Variants in PTPRD observed in about 807,000 individuals in gnomAD.
PTPRD encodes protein tyrosine phosphatase receptor type D.
PTPRD carries 34 observed loss-of-function variants against 214.5 expected under a neutral mutation model. The ratio of observed to expected loss-of-function variants is 0.16; its 90% CI spans 0.12 to 0.21. The LOEUF is 0.21. Among genes scored for constraint, PTPRD ranks in the 10% least tolerant of loss-of-function variants. The probability of loss-of-function intolerance (pLI) is 1.00; values close to 1 mark genes in which losing one functional copy is unlikely to be tolerated. For missense variants in PTPRD, 2,545 were observed against 2,398.7 expected (o/e 1.06, Z -1.27); for synonymous variants, 1,128 against 845.7 (o/e 1.33, Z -5.79).
intron 10 of PTPRD, among the ~76,000 whole-genome samples, chr9:9,143,285 AAATTACTTGCTT>A (rs2099863327): frequency 6.6e-6 from 1 of 152,202 alleles, no homozygotes; most frequent in Non-Finnish European, 1.5e-5. Context: ...ATAGAAAATG[AAATTACTTGCTT>A]AAAGTCACAC....
intron 5 of PTPRD, among the ~76,000 whole-genome samples, chr9:9,843,542 C>T (rs2153644204): frequency 6.6e-6 from 1 of 151,774 alleles, no homozygotes; most frequent in South Asian, 2.1e-4. Flanking sequence ...CTGCATGTGT[C>T]CCAAATTTGC....
intron 7 of PTPRD, among the ~76,000 whole-genome samples, chr9:9,718,575 C>T (rs2097876205): frequency 6.6e-6 from 1 of 152,204 alleles, no homozygotes; most frequent in Non-Finnish European, 1.5e-5. Flanking sequence ...CCCAGGAAGC[C>T]CCCTTCCCCT....
intron 5 of PTPRD, among the ~76,000 whole-genome samples, chr9:9,811,569 T>C (rs1318865434): frequency 6.6e-6 from 1 of 151,926 alleles, no homozygotes; most frequent in Non-Finnish European, 1.5e-5. Context: ...TAGCCAGGTG[T>C]GGTGGCAGGC....
intron 3 of PTPRD, among the ~76,000 whole-genome samples, chr9:10,101,972 G>T (rs971112815): frequency 1.3e-5 from 2 of 151,636 alleles, no homozygotes; most frequent in Non-Finnish European, 3.0e-5. Flanking sequence ...ATGTCAATTG[G>T]CCAGCCATAC....
intron 8 of PTPRD, among the ~76,000 whole-genome samples, chr9:9,473,129 C>T (rs2094746820): frequency 1.3e-5 from 2 of 152,140 alleles, no homozygotes; most frequent in Admixed American, 1.3e-4. Context: ...CCTCTCCCTA[C>T]ACTTCCCACC....
intron 7 of PTPRD, among the ~76,000 whole-genome samples, chr9:9,708,117 C>T (rs771636245): frequency 6.6e-6 from 1 of 151,982 alleles, no homozygotes; most frequent in South Asian, 2.1e-4. Context: ...CAGATTACTA[C>T]GTTGATTTAG....
At chr9:8,504,745 C>G (rs541244910) in intron 22 of PTPRD, among the ~76,000 whole-genome samples, 1 of 152,278 alleles carries the variant, frequency 6.6e-6, no homozygotes, top group South Asian at 2.1e-4. Flanking sequence ...TGCTGTGACA[C>G]AGATCACAAT....
intron 12 of PTPRD, among the ~76,000 whole-genome samples, chr9:8,646,702 G>C (rs1344715515): frequency 6.6e-6 from 1 of 152,074 alleles, no homozygotes; most frequent in African/African-American, 2.4e-5. Flanking sequence ...AATCACAATA[G>C]TCTATATTTC....
At chr9:10,486,492 G>C (rs1341978851) in intron 2 of PTPRD, among the ~76,000 whole-genome samples, 2 of 152,096 alleles carry the variant, frequency 1.3e-5, no homozygotes, top group Admixed American at 6.5e-5. Context: ...GATAGTTGTA[G>C]ATGTGTGGTG....
chr9:9,347,888 C>A (rs753634197), intron 9 of PTPRD, among the ~76,000 whole-genome samples: 1 of 152,112 alleles, frequency 6.6e-6, no homozygotes, highest in Non-Finnish European at 1.5e-5. Flanking sequence ...ATTACCACTG[C>A]CATTAAAAGC....
chr9:9,510,978 A>T (rs2096691313), intron 8 of PTPRD, among the ~76,000 whole-genome samples: 2 of 151,750 alleles, frequency 1.3e-5, no homozygotes, highest in South Asian at 2.1e-4. Context: ...TCTGGGAGAC[A>T]CTACAGATAG....
At chr9:9,672,516 C>T (rs1202064756) in intron 7 of PTPRD, among the ~76,000 whole-genome samples, 2 of 152,072 alleles carry the variant, frequency 1.3e-5, no homozygotes, top group East Asian at 3.9e-4. Flanking sequence ...TAGTAGCTTG[C>T]CAAATATCAC....
intron 7 of PTPRD, among the ~76,000 whole-genome samples, chr9:9,617,293 T>A (rs2094931941): frequency 6.6e-6 from 1 of 152,258 alleles, no homozygotes; most frequent in Admixed American, 6.5e-5. Flanking sequence ...CTAATTCAGG[T>A]CCTCTGCATT....
chr9:9,581,901 A>G (rs2090890458), intron 7 of PTPRD, among the ~76,000 whole-genome samples: 1 of 152,164 alleles, frequency 6.6e-6, no homozygotes, highest in African/African-American at 2.4e-5. Flanking sequence ...CCACTACTAT[A>G]CTATAATGTG....
rs537660715 is a variant in PTPRD at position 9,222,174 on chromosome 9, A to G, written c.-202-38811T>C. ...TATTGTAGGCAAAAGTAATCTATTA[A>G]TTTAATTTAATAGCTTGACCTTTTG... On this transcript the variant is annotated intron_variant, in intron 9 of 45. Coordinates refer to ENST00000381196, the MANE Select transcript of PTPRD (RefSeq NM_002839.4). Among the ~76,000 whole-genome samples the G allele has an allele frequency of 1.2e-4, 18 of 152,182 alleles. No homozygotes were observed. The South Asian group carries it at 3.7e-3, about 32-fold the overall frequency.
chr9:8,414,913 G>A (rs1482840056), intron 35 of PTPRD, among the ~76,000 whole-genome samples: 1 of 120,410 alleles, frequency 8.3e-6, no homozygotes, highest in South Asian at 3.4e-4. Context: ...GGGAGGGAGG[G>A]GGAGAGAGAG....
chr9:10,423,989 C>G (rs2098583707), intron 2 of PTPRD, among the ~76,000 whole-genome samples: 1 of 151,862 alleles, frequency 6.6e-6, no homozygotes, highest in South Asian at 2.1e-4. Context: ...TATTCTTTTT[C>G]AGAATTCAAC....
intron 3 of PTPRD, among the ~76,000 whole-genome samples, chr9:10,087,347 T>C (rs291326): frequency 0.29 from 43,735 of 151,458 alleles, 6,764 homozygotes; most frequent in East Asian, 0.52. Context: ...CACTAAAATT[T>C]TGAATTTACA....
intron 10 of PTPRD, among the ~76,000 whole-genome samples, chr9:9,066,306 TC>T (rs2099733300): frequency 1.3e-5 from 2 of 152,134 alleles, no homozygotes; most frequent in Admixed American, 1.3e-4. Context: ...CATTTTTTTT[TC>T]ATGAGAATGT....
Sources: allele counts gnomAD v4.1 joint callset (sites outside exome capture counted in the v4.1 genomes callset), GRCh38; gene constraint gnomAD v4.1.1; transcripts MANE v1.5; gene names NCBI Gene and HGNC (gene_info 2026-07-23, HGNC 2026-07-21).